Variants in PEX5L observed in about 807,000 individuals in gnomAD.
PEX5L encodes PEX5-related protein.
PEX5L carries 30 observed loss-of-function variants against 84.0 expected under a neutral mutation model. That is an observed-to-expected ratio of 0.36 (90% CI 0.27 to 0.48). PEX5L has a LOEUF of 0.48. PEX5L is among the 20% of genes least tolerant of loss of function. PEX5L has a pLI of 0.99. For missense variants in PEX5L, 533 were observed against 754.6 expected (o/e 0.71, Z 3.44); for synonymous variants, 270 against 283.1 (o/e 0.95, Z 0.46).
intron 2 of PEX5L, among the ~76,000 whole-genome samples, chr3:179,954,206 G>GCT (rs376220426): frequency 2.2e-5 from 2 of 89,818 alleles, no homozygotes; most frequent in African/African-American, 5.0e-5. Context: ...CCATTAGTCG[G>GCT]GGGGGGGGGA....
chr3:179,851,647 G>A (rs1741939408), intron 8 of PEX5L, among the ~76,000 whole-genome samples: 1 of 152,172 alleles, frequency 6.6e-6, no homozygotes, highest in Non-Finnish European at 1.5e-5. Flanking sequence ...AGCCTTGAGG[G>A]TTGTGCCCTC....
intron 5 of PEX5L, among the ~76,000 whole-genome samples, chr3:179,879,136 C>T (rs886123524): frequency 3.3e-5 from 5 of 152,236 alleles, no homozygotes; most frequent in African/African-American, 4.8e-5. Context: ...CATACACACA[C>T]AGCAGTCAGT....
At chr3:179,830,638 T>C (rs1366658020) in intron 8 of PEX5L, among the ~76,000 whole-genome samples, 1 of 152,204 alleles carries the variant, frequency 6.6e-6, no homozygotes, top group Non-Finnish European at 1.5e-5. Flanking sequence ...TCCCATATTT[T>C]CCTGGTGTAT....
chr3:179,913,848 T>C (rs180814467), intron 2 of PEX5L, among the ~76,000 whole-genome samples: 1 of 152,304 alleles, frequency 6.6e-6, no homozygotes, highest in Admixed American at 6.5e-5. Context: ...AGAATTTTAT[T>C]AATTTTTTTC....
chr3:179,958,314 T>C (rs1445489188), intron 2 of PEX5L, among the ~76,000 whole-genome samples: 1 of 152,210 alleles, frequency 6.6e-6, no homozygotes, highest in East Asian at 1.9e-4. Context: ...AGCACTGCCA[T>C]GTACTGCCGC....
chr3:179,897,246 G>A (rs1759655851), intron 3 of PEX5L, among the ~76,000 whole-genome samples: 1 of 151,958 alleles, frequency 6.6e-6, no homozygotes, highest in African/African-American at 2.4e-5. Context: ...CATATAATCG[G>A]AACTGAATCA....
chr3:179,846,678 G>A (rs1027290470), intron 8 of PEX5L, among the ~76,000 whole-genome samples: 2 of 152,192 alleles, frequency 1.3e-5, no homozygotes, highest in African/African-American at 4.8e-5. Context: ...TCAACCTGTT[G>A]AGGGCCTTAA....
At chr3:179,939,975 T>TTC (rs1227012533) in intron 2 of PEX5L, among the ~76,000 whole-genome samples, 3 of 152,216 alleles carry the variant, frequency 2.0e-5, no homozygotes, top group African/African-American at 7.2e-5. Flanking sequence ...AGCCAAATAG[T>TTC]TCTCCATGAG....
At chr3:179,936,505 A>G (rs1774657159) in intron 2 of PEX5L, among the ~76,000 whole-genome samples, 1 of 152,194 alleles carries the variant, frequency 6.6e-6, no homozygotes, top group Non-Finnish European at 1.5e-5. Flanking sequence ...GCTGCTTTTC[A>G]TTTTAAACTT....
At chr3:179,878,614 T>C (rs1182109320) in intron 5 of PEX5L, among the ~76,000 whole-genome samples, 1 of 152,212 alleles carries the variant, frequency 6.6e-6, no homozygotes, top group African/African-American at 2.4e-5. Flanking sequence ...TACCTTTCCT[T>C]TCTGCACCAG....
At chr3:179,884,867 A>G (rs1222070181) in intron 4 of PEX5L, among the ~76,000 whole-genome samples, 1 of 152,212 alleles carries the variant, frequency 6.6e-6, no homozygotes, top group Non-Finnish European at 1.5e-5. Context: ...GTGGAAAAAA[A>G]TTATAATTTA....
intron 2 of PEX5L, chr3:179,902,574 G>T (rs1479914426): frequency 2.3e-5 from 9 of 386,360 alleles, no homozygotes; most frequent in Admixed American, 3.2e-5. Flanking sequence ...TTTTTATTCT[G>T]TAGATCTTAG....
intron 1 of PEX5L, among the ~76,000 whole-genome samples, chr3:179,988,085 T>G (rs1265580434): frequency 1.3e-5 from 2 of 152,132 alleles, no homozygotes; most frequent in Non-Finnish European, 2.9e-5. Flanking sequence ...GGAAAGTCAG[T>G]TCATTAGTAA....
chr3:179,962,377 T>C (rs76094055), intron 2 of PEX5L, among the ~76,000 whole-genome samples: 28,681 of 152,184 alleles, frequency 0.19, 3,477 homozygotes, highest in Non-Finnish European at 0.27. Context: ...AGTAACCTGG[T>C]GAACCCAGTC....
At chr3:179,888,081 A>G (rs1468220621) in intron 3 of PEX5L, 2 of 1,075,814 alleles carry the variant, frequency 1.9e-6, no homozygotes, top group African/African-American at 3.2e-5. Flanking sequence ...AATGACACGT[A>G]TTGAATCATA....
chr3:179,898,006 G>A, intron 3 of PEX5L, 136 bp downstream of exon 3: 1 of 497,842 alleles, frequency 2.0e-6, no homozygotes, highest in East Asian at 3.1e-5. Context: ...ATCTATATTT[G>A]TATAATTGTT....
At chr3:180,024,421 T>C (rs1406786973) in intron 1 of PEX5L, among the ~76,000 whole-genome samples, 1 of 141,712 alleles carries the variant, frequency 7.1e-6, no homozygotes, top group Non-Finnish European at 1.5e-5. Context: ...GGCAGGCGCC[T>C]GTAGTCCCAG....
intron 1 of PEX5L, among the ~76,000 whole-genome samples, chr3:180,026,956 C>T (rs2108343966): frequency 6.6e-6 from 1 of 152,312 alleles, no homozygotes; most frequent in Non-Finnish European, 1.5e-5. Context: ...TACAGACTAT[C>T]TTGGAGCCCC....
At chr3:180,005,601 C>T (rs1057095765) in intron 1 of PEX5L, among the ~76,000 whole-genome samples, 3 of 152,026 alleles carry the variant, frequency 2.0e-5, no homozygotes, top group Non-Finnish European at 1.5e-5. Context: ...TGGTGGTGGG[C>T]GCCTGTAGTC....
Sources: gnomAD v4.1 joint callset for allele counts (sites outside exome capture counted in the v4.1 genomes callset) on GRCh38, gnomAD v4.1.1 for gene constraint, MANE v1.5 for transcripts, NCBI Gene and HGNC (gene_info 2026-07-23, HGNC 2026-07-21) for gene names.